The following DPH6 variants were observed in gnomAD, a reference collection of about 807,000 sequenced individuals.
The protein encoded by DPH6 is diphthamine biosynthesis 6.
A neutral mutation model predicts 38.2 loss-of-function variants in DPH6; 33 were observed. That is an observed-to-expected ratio of 0.86 (90% CI 0.65 to 1.15). DPH6 has a LOEUF of 1.15. Ranked by LOEUF, DPH6 falls within the 50% of genes most tolerant of loss-of-function variation. The probability of loss-of-function intolerance (pLI) is 0.00; values close to 1 mark genes in which losing one functional copy is unlikely to be tolerated. For missense variants in DPH6, 325 were observed against 320.0 expected, an observed-to-expected ratio of 1.02 and a Z score of -0.12; for synonymous variants, 108 against 103.0, an observed-to-expected ratio of 1.05 and a Z score of -0.30.
intron 3 of DPH6, among the ~76,000 whole-genome samples, chr15:35,299,659 T>C (rs2052041736): frequency 6.6e-6 from 1 of 152,154 alleles, no homozygotes; most frequent in Admixed American, 6.5e-5. Flanking sequence ...CATTCCTAAC[T>C]CCTTCCTGCC....
intron 5 of DPH6, among the ~76,000 whole-genome samples, chr15:35,447,944 C>G (rs1398594226): frequency 1.3e-5 from 2 of 152,144 alleles, no homozygotes; most frequent in African/African-American, 2.4e-5. Context: ...TGTTACTACA[C>G]CATCATTTAA....
the DPH6 span, among the ~76,000 whole-genome samples, chr15:35,172,584 TAGTC>T: frequency 6.6e-6 from 1 of 152,244 alleles, no homozygotes; most frequent in African/African-American, 2.4e-5. Context: ...TGTGGTAACT[TAGTC>T]TGTGGCGCCA....
intron 3 of DPH6, among the ~76,000 whole-genome samples, chr15:35,315,579 C>T (rs550380295): frequency 3.9e-5 from 6 of 152,268 alleles, no homozygotes; most frequent in Middle Eastern, 3.4e-3. Flanking sequence ...AACCCTCATA[C>T]ACTGTTGGTG....
the DPH6 span, among the ~76,000 whole-genome samples, chr15:35,196,320 T>A: frequency 6.6e-5 from 10 of 152,202 alleles, no homozygotes; most frequent in African/African-American, 2.2e-4. Context: ...CAACTTGTCA[T>A]TTTTTAAATC....
At chr15:35,417,671 A>G (rs940527525) in intron 5 of DPH6, among the ~76,000 whole-genome samples, 38 of 152,218 alleles carry the variant, frequency 2.5e-4, no homozygotes, top group African/African-American at 8.9e-4. Context: ...AAATAATTCT[A>G]TCCTATAAAA....
intron 3 of DPH6, among the ~76,000 whole-genome samples, chr15:35,463,889 T>C (rs1196348870): frequency 6.6e-6 from 1 of 152,212 alleles, no homozygotes; most frequent in Admixed American, 6.5e-5. Flanking sequence ...AGTCCCACTT[T>C]GTGACAGGTC....
At chr15:35,237,751 C>T (rs996150769) in intron 3 of DPH6, 76 of 1,612,650 alleles carry the variant, frequency 4.7e-5, no homozygotes, top group African/African-American at 2.7e-5. Flanking sequence ...TCCTGCAACT[C>T]ACATATCTTG....
intron 3 of DPH6, among the ~76,000 whole-genome samples, chr15:35,276,573 G>GATTTAAGTCCTTGATCCAT (rs1240998269): frequency 6.6e-6 from 1 of 152,164 alleles, no homozygotes; most frequent in Non-Finnish European, 1.5e-5. Context: ...TCAAGTCTTA[G>GATTTAAGTCCTTGATCCAT]ATTTAAGTCC....
intron 6 of DPH6, among the ~76,000 whole-genome samples, chr15:35,409,972 T>C (rs2053344152): frequency 1.3e-5 from 2 of 151,884 alleles, no homozygotes; most frequent in South Asian, 4.2e-4. Flanking sequence ...TTGGTACATA[T>C]TGATTCATAA....
the DPH6 span, among the ~76,000 whole-genome samples, chr15:35,199,258 C>T: frequency 6.6e-6 from 1 of 152,102 alleles, no homozygotes; most frequent in Non-Finnish European, 1.5e-5. Flanking sequence ...ACTTAATGCT[C>T]TAGTTTAAAA....
At chr15:35,325,305 T>C (rs946960355) in intron 3 of DPH6, among the ~76,000 whole-genome samples, 3 of 152,196 alleles carry the variant, frequency 2.0e-5, no homozygotes, top group Non-Finnish European at 4.4e-5. Flanking sequence ...GGAGAACTTA[T>C]TCTATTAAAT....
At chr15:35,252,666 C>T (rs543170527) in intron 3 of DPH6, among the ~76,000 whole-genome samples, 6 of 152,296 alleles carry the variant, frequency 3.9e-5, no homozygotes, top group African/African-American at 7.2e-5. Context: ...TCTCCCCATC[C>T]GGAAATAGGT....
intron 3 of DPH6, among the ~76,000 whole-genome samples, chr15:35,475,003 AAAC>A (rs1395800806): frequency 6.6e-6 from 1 of 152,070 alleles, no homozygotes; most frequent in Non-Finnish European, 1.5e-5. Flanking sequence ...AAAAAAGCTT[AAAC>A]AACTACCACT....
At chr15:35,212,395 T>G (rs891882437), downstream of DPH6, among the ~76,000 whole-genome samples, 10 of 152,224 alleles carry the variant, frequency 6.6e-5, no homozygotes, top group African/African-American at 2.4e-4. Context: ...GATCCAGGAT[T>G]ATGGGTCTAT....
At chr15:35,376,018 T>C (rs1595509579) in intron 7 of DPH6, among the ~76,000 whole-genome samples, 1 of 152,124 alleles carries the variant, frequency 6.6e-6, no homozygotes, top group East Asian at 1.9e-4. Flanking sequence ...ACATCTCAAA[T>C]GTTATTTCCA....
intron 3 of DPH6, among the ~76,000 whole-genome samples, chr15:35,249,571 CCA>C (rs1262412554): frequency 3.9e-5 from 6 of 152,210 alleles, no homozygotes; most frequent in Non-Finnish European, 8.8e-5. Flanking sequence ...TTAAGACCTT[CCA>C]CAGTCTTTAT....
At chr15:35,356,105 A>T (rs944454787) in intron 3 of DPH6, among the ~76,000 whole-genome samples, 1 of 152,158 alleles carries the variant, frequency 6.6e-6, no homozygotes, top group African/African-American at 2.4e-5. Context: ...TTCGTCACAT[A>T]GTTCTCGTGC....
At chr15:35,497,696 A>T (rs1005346601) in intron 3 of DPH6, among the ~76,000 whole-genome samples, 2 of 152,214 alleles carry the variant, frequency 1.3e-5, no homozygotes, top group Non-Finnish European at 2.9e-5. Flanking sequence ...AGGAAAATGG[A>T]GAGAAAAGAG....
At chr15:35,489,210 T>C (rs1001334181) in intron 3 of DPH6, 3 of 426,398 alleles carry the variant, frequency 7.0e-6, no homozygotes, top group African/African-American at 6.5e-5. Context: ...CAGAGAGATA[T>C]AATCTTGGAA....
Sources: allele counts gnomAD v4.1 joint callset (sites outside exome capture counted in the v4.1 genomes callset), GRCh38; gene constraint gnomAD v4.1.1; transcripts MANE v1.5; gene names NCBI Gene and HGNC (gene_info 2026-07-23, HGNC 2026-07-21).